The following SETDB1 variants were observed in gnomAD, a reference collection of about 807,000 sequenced individuals.
SETDB1 encodes the protein SET domain bifurcated histone lysine methyltransferase 1.
SETDB1 carries 31 observed loss-of-function variants against 137.4 expected under a neutral mutation model. The observed-to-expected ratio is 0.23, with a 90% CI of 0.17 to 0.30. The LOEUF is 0.30. SETDB1 is among the 10% of genes least tolerant of loss of function. The pLI, the probability that SETDB1 is intolerant of heterozygous loss-of-function variation, is 1.00. For missense variants in SETDB1, 1,113 were observed against 1,631.5 expected (o/e 0.68, Z 5.47); for synonymous variants, 548 against 579.9 (o/e 0.95, Z 0.79).
At chr1:150,938,586 C>T (rs1670018987) in intron 3 of SETDB1, among the ~76,000 whole-genome samples, 1 of 152,160 alleles carries the variant, frequency 6.6e-6, no homozygotes, top group Non-Finnish European at 1.5e-5. Context: ...CAACCTCCGC[C>T]TCCCAGGTCC....
intron 4 of SETDB1, 73 bp downstream of exon 4, chr1:150,940,047 T>A: frequency 8.9e-7 from 1 of 1,123,262 alleles, no homozygotes; most frequent in Non-Finnish European, 1.3e-6. Flanking sequence ...CCTAACCATT[T>A]AATCAGTTTA....
intron 8 of SETDB1, 42 bp downstream of exon 8, chr1:150,944,035 T>C (rs774340437): frequency 1.6e-6 from 2 of 1,286,244 alleles, no homozygotes; most frequent in Admixed American, 3.4e-5. Context: ...TTTTCTCCTC[T>C]ACCTTGTATT....
chr1:150,947,453 C>G (rs1461637790), intron 10 of SETDB1, among the ~76,000 whole-genome samples: 1 of 151,966 alleles, frequency 6.6e-6, no homozygotes, highest in Admixed American at 6.6e-5. Flanking sequence ...GCTACCACAT[C>G]CAGCGTATAG....
At chr1:150,945,799 C>T (rs1395240288) in intron 9 of SETDB1, among the ~76,000 whole-genome samples, 1 of 152,164 alleles carries the variant, frequency 6.6e-6, no homozygotes, top group Non-Finnish European at 1.5e-5. Flanking sequence ...TCTCGGCTCA[C>T]TGCATCTTCC....
chr1:150,963,263 G>T (rs1670878542), intron 19 of SETDB1, 124 bp downstream of exon 19: 1 of 908,420 alleles, frequency 1.1e-6, no homozygotes, highest in East Asian at 2.6e-5. Flanking sequence ...GAGCATCTCT[G>T]GGAGGGCTTT....
At chr1:150,943,686 A>G (rs1670231806) in intron 7 of SETDB1, among the ~76,000 whole-genome samples, 1 of 152,184 alleles carries the variant, frequency 6.6e-6, no homozygotes, top group African/African-American at 2.4e-5. Context: ...AAAAATATTT[A>G]TATGTATATG....
chr1:150,945,918 T>G (rs1571643908), intron 9 of SETDB1, among the ~76,000 whole-genome samples: 1 of 152,188 alleles, frequency 6.6e-6, no homozygotes, highest in African/African-American at 2.4e-5. Context: ...GGCAGGCTGG[T>G]CCCGAACTCC....
chr1:150,939,919 T>C lies in SETDB1; in HGVS notation c.413-21T>C, dbSNP rs377324578. 6 of 1,603,400 alleles carry C rather than the reference T, an allele frequency of 3.7e-6. No individual in the cohort carries two copies. The African/African-American group carries it at 8.0e-5, about 21-fold the overall frequency. ...CTCTGTGTAAGTCTCTGACACTCAT[T>C]AGAGTTCTTCTCGTCCATAGGTGAT... On this transcript the variant is annotated intron_variant, in intron 3 of 21. Coordinates refer to ENST00000692827, the MANE Select transcript of SETDB1 (RefSeq NM_001366418.1).
intron 3 of SETDB1, among the ~76,000 whole-genome samples, chr1:150,936,571 T>TA (rs1291912934): frequency 1.3e-5 from 2 of 152,242 alleles, no homozygotes; most frequent in African/African-American, 2.4e-5. Context: ...AGATTACAGA[T>TA]AACACTACTG....
intron 12 of SETDB1, 62 bp from the exon 13 acceptor site, chr1:150,950,396 G>C: frequency 2.9e-6 from 4 of 1,398,512 alleles, no homozygotes; most frequent in Non-Finnish European, 3.9e-6. Context: ...CTACCTGGAG[G>C]GTTAATTATA....
chr1:150,952,490 G>GAGC (rs1486528554), intron 14 of SETDB1, among the ~76,000 whole-genome samples: 1 of 152,138 alleles, frequency 6.6e-6, no homozygotes, highest in Non-Finnish European at 1.5e-5. Context: ...TTTTTGGCTT[G>GAGC]AGCATCTTAG....
chr1:150,953,823 C>T (rs1013254230), intron 14 of SETDB1, among the ~76,000 whole-genome samples: 8 of 151,344 alleles, frequency 5.3e-5, no homozygotes, highest in Admixed American at 2.6e-4. Flanking sequence ...AACAAGACTC[C>T]GTCTCAAAAA....
chr1:150,928,732 T>C (rs979710469), intron 2 of SETDB1, among the ~76,000 whole-genome samples: 29 of 152,320 alleles, frequency 1.9e-4, no homozygotes, highest in African/African-American at 7.0e-4. Context: ...CTCCTAATAC[T>C]ATCCCTCCCC....
At chr1:150,941,644 T>C (rs961921575) in intron 5 of SETDB1, among the ~76,000 whole-genome samples, 3 of 152,178 alleles carry the variant, frequency 2.0e-5, no homozygotes, top group Non-Finnish European at 4.4e-5. Context: ...TCCATCCTCA[T>C]GACTGCTTCC....
chr1:150,947,247 T>G (rs1406869780), intron 10 of SETDB1, among the ~76,000 whole-genome samples: 3 of 152,212 alleles, frequency 2.0e-5, no homozygotes, highest in Non-Finnish European at 2.9e-5. Flanking sequence ...GGCTTTAGGT[T>G]AGGGTGATAG....
In SETDB1 at chr1:150,943,065, G is replaced by A. The variant is rs771295742; in HGVS notation, c.875+12G>A. On this transcript the variant is annotated intron_variant, in intron 7 of 21. Coordinates refer to ENST00000692827, the MANE Select transcript of SETDB1 (RefSeq NM_001366418.1). The stretch of plus-strand genomic sequence containing the variant: ...AAAAACAAGCTCAGGTACCTGGACA[G>A]AGGACTGTAAAGGGGTAGAGGCTGG... 1.9e-6 allele frequency: 3 copies of A among 1,606,898 alleles called. No homozygotes were observed. Among genetic ancestry groups the A allele is most frequent in the Non-Finnish European group, 1.7e-6 (2 of 1,173,866 alleles).
chr1:150,938,597 C>T (rs900710985), intron 3 of SETDB1, among the ~76,000 whole-genome samples: 4 of 151,842 alleles, frequency 2.6e-5, no homozygotes, highest in East Asian at 3.9e-4. Flanking sequence ...TCCCAGGTCC[C>T]GGTTCAAGTG....
intron 14 of SETDB1, among the ~76,000 whole-genome samples, chr1:150,956,933 G>A (rs587702353): frequency 3.5e-4 from 53 of 152,234 alleles, no homozygotes; most frequent in African/African-American, 1.3e-3. Flanking sequence ...TGGGCAATGT[G>A]ATGAGACCTT....
chr1:150,946,503 C>T (rs1298130731), intron 9 of SETDB1, among the ~76,000 whole-genome samples: 2 of 152,006 alleles, frequency 1.3e-5, no homozygotes, highest in African/African-American at 2.4e-5. Flanking sequence ...GGCTGGAGTA[C>T]GATGGTGCAG....
Sources: allele counts gnomAD v4.1 joint callset (sites outside exome capture counted in the v4.1 genomes callset), GRCh38; gene constraint gnomAD v4.1.1; transcripts MANE v1.5; gene names NCBI Gene and HGNC (gene_info 2026-07-23, HGNC 2026-07-21).